PPP1R3A: variants seen among roughly 807,000 people sequenced by gnomAD.
PPP1R3A encodes RG1.
A neutral mutation model predicts 41.7 loss-of-function variants in PPP1R3A; 29 were observed. That is an observed-to-expected ratio of 0.70 (90% CI 0.52 to 0.95). The LOEUF (loss-of-function observed/expected upper bound fraction) is 0.95. PPP1R3A is among the 40% of genes least tolerant of loss of function. The pLI, the probability that PPP1R3A is intolerant of heterozygous loss-of-function variation, is 0.00. For missense variants in PPP1R3A, 1,352 were observed against 1,292.4 expected, an observed-to-expected ratio of 1.05 and a Z score of -0.71; for synonymous variants, 485 against 453.4, an observed-to-expected ratio of 1.07 and a Z score of -0.89.
chr7:113,883,379 G>A (rs570387031), intron 1 of PPP1R3A, among the ~76,000 whole-genome samples: 1 of 151,914 alleles, frequency 6.6e-6, no homozygotes, highest in Non-Finnish European at 1.5e-5. Flanking sequence ...TCCCAGGAAG[G>A]CCAATTTTAT....
At position 113,882,271 on chromosome 7, in the gene PPP1R3A, T is replaced by C. The variant is rs1404551782; in HGVS notation, c.832A>G (p.Lys278Glu). 15 of 1,507,460 alleles carry C rather than the reference T, an allele frequency of 1.0e-5. No individual in the cohort carries two copies. Among genetic ancestry groups the C allele is most frequent in the East Asian group, 6.8e-5 (3 of 43,990 alleles). The allele number at this position is 1,507,460 out of a possible 1,614,324, so 93.4% of individuals were successfully genotyped here. Residue 278 changes from lysine (K) to glutamate (E), a missense_variant, in exon 2 of 4, where the codon AAG becomes GAG. Transcript: ENST00000284601. Reference protein sequence around the residue: ...TSEENNFENPKNTDTYIPTII... With the variant: ...TSEENNFENPENTDTYIPTII... ...TAATGAAGAATATTACCTGTATTCT[T>C]TGGATTCTCAAAGTTATTTTCTTCT...
In PPP1R3A at chr7:113,879,079, G is replaced by C. The variant is rs1796631508; in HGVS notation, c.2013C>G (p.Asn671Lys). The C allele has an allele frequency of 2.5e-6, 4 of 1,613,534 alleles. No individual in the cohort carries two copies. The African/African-American group carries it at 5.3e-5, about 22-fold the overall frequency. The change falls in exon 4 of 4, where the codon AAC becomes AAG. Residue 671 changes from asparagine (N) to lysine (K), a missense_variant. Coordinates refer to ENST00000284601, the MANE Select transcript of PPP1R3A (RefSeq NM_002711.4). Reference sequence around the variant, plus strand: ...TTTGTCCTTTGATATGCTCTGTTATGTTTGTCTTATTCTCTCTTGATTTTC... The same window carrying C: ...TTTGTCCTTTGATATGCTCTGTTATCTTTGTCTTATTCTCTCTTGATTTTC... ...SQGKSRENKT[N>K]ITEHIKGQTD...
intron 1 of PPP1R3A, among the ~76,000 whole-genome samples, chr7:113,915,604 C>CAT (rs892277761): frequency 6.8e-6 from 1 of 147,892 alleles, no homozygotes; most frequent in East Asian, 2.0e-4. Flanking sequence ...TATACATATA[C>CAT]ATATATATAC....
chr7:113,887,797 G>A (rs537873828), intron 1 of PPP1R3A, among the ~76,000 whole-genome samples: 16 of 152,198 alleles, frequency 1.1e-4, no homozygotes, highest in South Asian at 6.2e-4. Flanking sequence ...TTGGGAGGCC[G>A]AGGAGGGTGG....
In PPP1R3A at chr7:113,878,158, T is replaced by C. The variant is rs1268430260; in HGVS notation, c.2934A>G (p.Arg978=). 1 of 1,613,304 alleles carries C rather than the reference T, an allele frequency of 6.2e-7. No individual in the cohort carries two copies. Among genetic ancestry groups the C allele is most frequent in the Non-Finnish European group, 8.5e-7 (1 of 1,179,586 alleles). ...YPESKPEEVS[R]SSGIVTSGSR... ...TACCTGATGTCACTATTCCTGAACTTCTGGAAACTTCTTCAGGTTTAGACT... is the reference window on the plus strand; with the variant it reads ...TACCTGATGTCACTATTCCTGAACTCCTGGAAACTTCTTCAGGTTTAGACT... Residue 978 remains arginine (R), a synonymous_variant, in exon 4 of 4, where the codon AGA becomes AGG. Coordinates refer to ENST00000284601, the MANE Select transcript of PPP1R3A (RefSeq NM_002711.4).
chr7:113,905,043 G>A (rs557936467), intron 1 of PPP1R3A, among the ~76,000 whole-genome samples: 2 of 151,686 alleles, frequency 1.3e-5, no homozygotes, highest in Non-Finnish European at 1.5e-5. Flanking sequence ...TTTACTTTGG[G>A]TGGAGACTTC....
At chr7:113,896,338 C>G (rs191990313) in intron 1 of PPP1R3A, among the ~76,000 whole-genome samples, 1 of 151,826 alleles carries the variant, frequency 6.6e-6, no homozygotes, top group East Asian at 1.9e-4. Flanking sequence ...AGAACTCCTC[C>G]TCTTCAGCTC....
intron 3 of PPP1R3A, among the ~76,000 whole-genome samples, chr7:113,881,414 T>C (rs550062259): frequency 2.6e-5 from 4 of 152,158 alleles, no homozygotes; most frequent in Non-Finnish European, 2.9e-5. Context: ...ATAAAAGTGC[T>C]GTATAAACCA....
At chr7:113,897,172 A>G (rs1475529165) in intron 1 of PPP1R3A, among the ~76,000 whole-genome samples, 1 of 151,850 alleles carries the variant, frequency 6.6e-6, no homozygotes, top group African/African-American at 2.4e-5. Flanking sequence ...ACAGACGCTT[A>G]GTTCTTTACT....
At chr7:113,892,011 A>G (rs922692231) in intron 1 of PPP1R3A, among the ~76,000 whole-genome samples, 2 of 152,032 alleles carry the variant, frequency 1.3e-5, no homozygotes, top group African/African-American at 4.8e-5. Flanking sequence ...AGTCATGAAT[A>G]TTGTATTTGT....
intron 1 of PPP1R3A, among the ~76,000 whole-genome samples, chr7:113,911,618 T>C (rs1485969804): frequency 6.6e-6 from 1 of 152,140 alleles, no homozygotes; most frequent in Non-Finnish European, 1.5e-5. Context: ...GAACAGGTGA[T>C]GTTCCAAAGC....
chr7:113,882,282 A>T lies in PPP1R3A; in HGVS notation c.821T>A (p.Phe274Tyr), dbSNP rs775922579. 1 of 1,492,782 alleles carries T rather than the reference A, an allele frequency of 6.7e-7. No homozygotes were observed. The highest frequency in any genetic ancestry group is 9.3e-7 in the Non-Finnish European group (1 of 1,071,862). The allele number at this position is 1,492,782 out of a possible 1,614,324, so 92.5% of individuals were successfully genotyped here. ...ATTACCTGTATTCTTTGGATTCTCA[A>T]AGTTATTTTCTTCTGATGTTACTGA... ...ESSVTSEENN[F>Y]ENPKNTDTYI... Residue 274 changes from phenylalanine to tyrosine, a missense_variant, in exon 2 of 4, where the codon TTT (phenylalanine) becomes TAT (tyrosine). Physicochemically the swap from Phe to Tyr is conservative, Grantham distance 22 (BLOSUM62 3). Coordinates refer to ENST00000284601, the MANE Select transcript of PPP1R3A (RefSeq NM_002711.4).
chr7:113,880,187 TTAGA>T (rs1796666104), intron 3 of PPP1R3A, 62 bp from the exon 4 acceptor site: 1 of 1,395,436 alleles, frequency 7.2e-7, no homozygotes, highest in African/African-American at 1.5e-5. Flanking sequence ...ATATAGTGAA[TTAGA>T]TAGGTTTTAT....
Position 113,878,210 on chromosome 7 carries a change from T to C in PPP1R3A, c.2882A>G (p.Gln961Arg). The change falls in exon 4 of 4, where the codon CAG (glutamine) becomes CGG (arginine). Residue 961 changes from glutamine to arginine, a missense_variant. Transcript: ENST00000284601. ...AGGATAAGGGTGCTTCTCAATACCC[T>C]GGATTTCTCTTGTTGAATTACAAAT... The part of the protein sequence containing the change: ...ENICNSTREI[Q>R]GIEKHPYPES... The C allele has an allele frequency of 6.2e-7, 1 of 1,613,364 alleles. No individual in the cohort carries two copies. Among genetic ancestry groups the C allele is most frequent in the Non-Finnish European group, 8.5e-7 (1 of 1,179,634 alleles).
In PPP1R3A at chr7:113,879,105, C is replaced by T. The variant is rs1016606943; in HGVS notation, c.1987G>A (p.Gly663Arg). The change falls in exon 4 of 4, where the codon GGA (glycine) becomes AGA (arginine). Residue 663 changes from glycine to arginine, a missense_variant. Physicochemically the swap from Gly to Arg is moderately radical, Grantham distance 125 (BLOSUM62 -2). Coordinates refer to ENST00000284601, the MANE Select transcript of PPP1R3A (RefSeq NM_002711.4). ...KQSWNVLESQ[G>R]KSRENKTNIT... ...TTTGTCTTATTCTCTCTTGATTTTC[C>T]CTGACTTTCCAGAACATTCCAACTT... The T allele has an allele frequency of 1.2e-6, 2 of 1,613,526 alleles. No individual in the cohort carries two copies. Among genetic ancestry groups the T allele is most frequent in the African/African-American group, 2.7e-5 (2 of 74,846 alleles).
At chr7:113,908,978 G>A (rs1562925853) in intron 1 of PPP1R3A, among the ~76,000 whole-genome samples, 1 of 151,796 alleles carries the variant, frequency 6.6e-6, no homozygotes, top group Non-Finnish European at 1.5e-5. Flanking sequence ...AACAGACACA[G>A]GGGACGATAG....
intron 1 of PPP1R3A, among the ~76,000 whole-genome samples, chr7:113,887,001 C>T (rs1348193788): frequency 6.6e-6 from 1 of 152,112 alleles, no homozygotes; most frequent in Non-Finnish European, 1.5e-5. Flanking sequence ...ATAAGAAATG[C>T]TGTTGAGTGA....
intron 1 of PPP1R3A, among the ~76,000 whole-genome samples, chr7:113,907,889 C>A (rs148306759): frequency 2.6e-5 from 4 of 151,844 alleles, no homozygotes; most frequent in African/African-American, 7.2e-5. Context: ...AAGTCTTTTG[C>A]TAGGTGTTAA....
At chr7:113,908,808 C>G (rs988720325) in intron 1 of PPP1R3A, among the ~76,000 whole-genome samples, 11 of 151,756 alleles carry the variant, frequency 7.2e-5, no homozygotes, top group South Asian at 2.1e-4. Flanking sequence ...ACTATGCACC[C>G]CTTAAAAATA....
Sources: allele counts gnomAD v4.1 joint callset (sites outside exome capture counted in the v4.1 genomes callset), GRCh38; gene constraint gnomAD v4.1.1; transcripts MANE v1.5; gene names NCBI Gene and HGNC (gene_info 2026-07-23, HGNC 2026-07-21).